The following HOXC4 variants were observed in gnomAD, a reference collection of about 807,000 sequenced individuals.
HOXC4 encodes the protein homeobox C4.
In HOXC4, 15 loss-of-function variants were observed where a neutral mutation model predicts 25.5. That is an observed-to-expected ratio of 0.59 (90% CI 0.39 to 0.91). The LOEUF (loss-of-function observed/expected upper bound fraction) is 0.91. HOXC4 is among the 40% of genes least tolerant of loss of function. The pLI is 0.00. For missense variants in HOXC4, 342 were observed against 352.4 expected (o/e 0.97, Z 0.24); for synonymous variants, 165 against 148.0 (o/e 1.11, Z -0.83).
chr12:54,033,445 T>C, intron 1 of HOXC4: 1 of 1,600,502 alleles, frequency 6.2e-7, no homozygotes, highest in Non-Finnish European at 8.5e-7. Flanking sequence ...CGCCCGGCGC[T>C]GGAGGAGCGA....
intron 1 of HOXC4, among the ~76,000 whole-genome samples, chr12:54,039,141 C>T (rs1941231423): frequency 6.6e-6 from 1 of 151,980 alleles, no homozygotes; most frequent in Non-Finnish European, 1.5e-5. Flanking sequence ...CCCATAGGTG[C>T]AACTCCTCCA....
At chr12:54,024,083 C>G (rs1940571673) in intron 1 of HOXC4, among the ~76,000 whole-genome samples, 1 of 152,236 alleles carries the variant, frequency 6.6e-6, no homozygotes, top group Non-Finnish European at 1.5e-5. Context: ...CGCTCCAGAA[C>G]AGCAAAGCCT....
intron 1 of HOXC4, chr12:54,028,523 T>C (rs959077483): frequency 3.7e-6 from 6 of 1,613,430 alleles, no homozygotes; most frequent in Non-Finnish European, 5.1e-6. Context: ...GGCAAAGGGA[T>C]GAATTCCTAC....
At chr12:54,047,564 C>A (rs1937746218) in intron 1 of HOXC4, among the ~76,000 whole-genome samples, 1 of 152,322 alleles carries the variant, frequency 6.6e-6, no homozygotes, top group South Asian at 2.1e-4. Flanking sequence ...CGTCCCGAGG[C>A]GGCCAAAGCG....
intron 1 of HOXC4, chr12:54,028,391 G>A (rs1246916499): frequency 2.0e-6 from 2 of 992,590 alleles, no homozygotes; most frequent in Non-Finnish European, 2.9e-6. Context: ...GGCTGGGAGG[G>A]GGTCAGCTGA....
chr12:54,028,693 C>G (rs200694174), intron 1 of HOXC4: 58 of 1,614,122 alleles, frequency 3.6e-5, no homozygotes, highest in Non-Finnish European at 2.5e-6. Context: ...TTATTCGCCA[C>G]AGGAGAATGT....
At position 54,053,948 on chromosome 12, in the gene HOXC4, A is replaced by G; in HGVS notation, c.26A>G (p.Asp9Gly). 1 of 1,613,098 alleles carries G rather than the reference A, an allele frequency of 6.2e-7. No homozygotes were observed. ...ATGATCATGAGCTCGTATTTGATGGACTCTAACTACATCGATCCGAAATTT... is the reference window on the plus strand; with the variant it reads ...ATGATCATGAGCTCGTATTTGATGGGCTCTAACTACATCGATCCGAAATTT... MIMSSYLM[D>G]SNYIDPKFPP... The change falls in exon 1 of 2, where the codon GAC (aspartate) becomes GGC (glycine). Residue 9 changes from aspartate (D) to glycine (G), a missense_variant. Asp to Gly is a moderately conservative substitution (Grantham distance 94). Coordinates refer to ENST00000430889, the MANE Select transcript of HOXC4 (RefSeq NM_153633.3).
intron 1 of HOXC4, among the ~76,000 whole-genome samples, chr12:54,042,897 G>A (rs1941297750): frequency 6.6e-6 from 1 of 152,190 alleles, no homozygotes; most frequent in Admixed American, 6.5e-5. Context: ...TGGGGCTCCA[G>A]GAGCCCAAGG....
chr12:54,043,233 C>T (rs1192160528), intron 1 of HOXC4, among the ~76,000 whole-genome samples: 2 of 152,220 alleles, frequency 1.3e-5, no homozygotes, highest in African/African-American at 2.4e-5. Flanking sequence ...AAGGCTGCTT[C>T]TCTGCATCTG....
At chr12:54,021,056 G>A (rs1163543588) in intron 1 of HOXC4, 1 of 152,404 alleles carries the variant, frequency 6.6e-6, no homozygotes, top group Non-Finnish European at 1.5e-5. Flanking sequence ...GCGATGAAGG[G>A]ATCAGAGTGG....
intron 1 of HOXC4, among the ~76,000 whole-genome samples, chr12:54,039,659 TGA>T (rs779424593): frequency 6.6e-6 from 1 of 152,164 alleles, no homozygotes; most frequent in Admixed American, 6.5e-5. Flanking sequence ...TCTGTGATTT[TGA>T]GAGTTTCTGG....
chr12:54,033,007 G>A, intron 1 of HOXC4: 2 of 768,270 alleles, frequency 2.6e-6, no homozygotes, highest in South Asian at 3.7e-5. Context: ...TAAAGAAAGA[G>A]ATATCTCCAC....
intron 1 of HOXC4, chr12:54,028,341 A>T: frequency 1.7e-6 from 1 of 594,288 alleles, no homozygotes; most frequent in South Asian, 2.5e-5. Context: ...CAGAAGCAGA[A>T]GCGATTTTTT....
chr12:54,024,020 T>C (rs1940568672), intron 1 of HOXC4, among the ~76,000 whole-genome samples: 2 of 152,210 alleles, frequency 1.3e-5, no homozygotes, highest in African/African-American at 4.8e-5. Flanking sequence ...ATTTATTTTT[T>C]AATTTCTAAA....
intron 1 of HOXC4, among the ~76,000 whole-genome samples, chr12:54,018,685 A>G (rs1940281070): frequency 6.6e-6 from 1 of 152,160 alleles, no homozygotes; most frequent in African/African-American, 2.4e-5. Flanking sequence ...AGGCGGCCCC[A>G]TAAGTGTGAA....
In HOXC4 at chr12:54,054,127, T is replaced by A. The variant is rs1937912065; in HGVS notation, c.205T>A (p.Cys69Ser). ...TAGCTACCCTGAGCGCCAGTATAGC[T>A]GCACCAGTCTCCAGGGGCCCGGCAA... The part of the protein sequence containing the change: ...RPSYPERQYS[C>S]TSLQGPGNSR... The change falls in exon 1 of 2, where the codon TGC becomes AGC. Residue 69 changes from cysteine to serine, a missense_variant. By Grantham distance (112) the Cys-to-Ser change is moderately radical. Coordinates refer to ENST00000430889, the MANE Select transcript of HOXC4 (RefSeq NM_153633.3). 1.2e-6 allele frequency: 2 copies of A among 1,613,834 alleles called. No individual in the cohort carries two copies. The highest frequency in any genetic ancestry group is 2.2e-5 in the South Asian group (2 of 91,068).
chr12:54,044,960 A>G (rs1440915916), intron 1 of HOXC4, among the ~76,000 whole-genome samples: 2 of 152,214 alleles, frequency 1.3e-5, no homozygotes, highest in African/African-American at 2.4e-5. Context: ...CAGGTCAGGA[A>G]GCTTTCAGGC....
intron 1 of HOXC4, chr12:54,033,977 G>T: frequency 2.0e-6 from 1 of 511,832 alleles, no homozygotes; most frequent in Non-Finnish European, 3.8e-6. Context: ...GGGGGTCCCC[G>T]GTGCTCGGAT....
At chr12:54,019,457 A>T (rs1367233166) in intron 1 of HOXC4, among the ~76,000 whole-genome samples, 1 of 152,120 alleles carries the variant, frequency 6.6e-6, no homozygotes, top group Non-Finnish European at 1.5e-5. Flanking sequence ...AGAGGCCCGA[A>T]AAAGGGAGCC....
Sources: allele counts gnomAD v4.1 joint callset (sites outside exome capture counted in the v4.1 genomes callset), GRCh38; gene constraint gnomAD v4.1.1; transcripts MANE v1.5; gene names NCBI Gene and HGNC (gene_info 2026-07-23, HGNC 2026-07-21).